The following EPAS1 variants were observed in gnomAD, a reference collection of about 807,000 sequenced individuals.
The protein encoded by EPAS1 is endothelial PAS domain protein 1, also known as endothelial PAS domain-containing protein 1.
A neutral mutation model predicts 87.9 loss-of-function variants in EPAS1; 23 were observed. That is an observed-to-expected ratio of 0.26 (90% confidence interval 0.19 to 0.37). The LOEUF (loss-of-function observed/expected upper bound fraction) is 0.37. EPAS1 is among the 10% of genes least tolerant of loss of function. The probability of loss-of-function intolerance (pLI) is 1.00; values close to 1 mark genes in which losing one functional copy is unlikely to be tolerated. For missense variants in EPAS1, 1,138 were observed against 1,120.7 expected (o/e 1.02, Z -0.22); for synonymous variants, 508 against 444.3 (o/e 1.14, Z -1.80).
chr2:46,302,160 CGGG>C (rs201373195), intron 1 of EPAS1, among the ~76,000 whole-genome samples: 2 of 73,840 alleles, frequency 2.7e-5, no homozygotes, highest in African/African-American at 1.2e-4. Flanking sequence ...GCCCGTGCGT[CGGG>C]GGGGGGGGCA....
intron 1 of EPAS1, among the ~76,000 whole-genome samples, chr2:46,328,185 G>C (rs1300871970): frequency 2.0e-5 from 3 of 152,188 alleles, no homozygotes; most frequent in Non-Finnish European, 4.4e-5. Flanking sequence ...GAGTGGTGTA[G>C]ACAGTAAGTG....
At chr2:46,340,996 A>G (rs970207437) in intron 1 of EPAS1, among the ~76,000 whole-genome samples, 4 of 152,208 alleles carry the variant, frequency 2.6e-5, no homozygotes, top group Non-Finnish European at 4.4e-5. Context: ...CTGTGATTAT[A>G]GGCATGAGTC....
At chr2:46,299,280 C>T (rs536202359) in intron 1 of EPAS1, among the ~76,000 whole-genome samples, 1 of 152,182 alleles carries the variant, frequency 6.6e-6, no homozygotes, top group Non-Finnish European at 1.5e-5. Flanking sequence ...GCGCCCGGGC[C>T]CTTCACTGCG....
chr2:46,372,587 G>A (rs1227282112), intron 7 of EPAS1, among the ~76,000 whole-genome samples: 1 of 152,288 alleles, frequency 6.6e-6, no homozygotes, highest in Non-Finnish European at 1.5e-5. Flanking sequence ...GTCTCCCTTT[G>A]TTATATGAGG....
intron 6 of EPAS1, among the ~76,000 whole-genome samples, chr2:46,365,688 C>G (rs1187929893): frequency 6.6e-6 from 1 of 152,110 alleles, no homozygotes; most frequent in Non-Finnish European, 1.5e-5. Flanking sequence ...TTGAGGAAAA[C>G]ACAAGGCTTA....
rs1233079715 is a variant in EPAS1 at position 46,361,105 on chromosome 2, G to A, written c.779+15G>A. ...TGTGATGACAGGTAGGGGGCCATGG[G>A]TGTGTATGCTGTGGGCAGAGATGGG... is the stretch of plus-strand genomic sequence containing the variant. On this transcript the variant is annotated intron_variant, in intron 6 of 15. Transcript: ENST00000263734. 1.2e-6 allele frequency: 2 copies of A among 1,613,682 alleles called. No individual in the cohort carries two copies. Among genetic ancestry groups the A allele is most frequent in the Non-Finnish European group, 1.7e-6 (2 of 1,179,762 alleles).
In EPAS1 at chr2:46,347,181, C is replaced by A. The variant is rs1684048863; in HGVS notation, c.217+118C>A. ...AGTCACCCCACTACAGAACTTTCAC[C>A]CACAGAAACACCATCATGAGTGATT... On this transcript the variant is annotated intron_variant, in intron 2 of 15. Coordinates refer to ENST00000263734, the MANE Select transcript of EPAS1 (RefSeq NM_001430.5). The surrounding 1 kb of genome is among the most constrained non-coding windows in gnomAD (Gnocchi z 4.2). The A allele has an allele frequency of 9.4e-6, 10 of 1,066,520 alleles. No homozygotes were observed. The highest frequency in any genetic ancestry group is 1.4e-5 in the Non-Finnish European group (10 of 693,136). The allele number at this position is 1,066,520 out of a possible 1,614,324, so 66.1% of individuals were successfully genotyped here.
intron 1 of EPAS1, among the ~76,000 whole-genome samples, chr2:46,330,437 A>C (rs1364050950): frequency 6.6e-6 from 1 of 152,204 alleles, no homozygotes; most frequent in African/African-American, 2.4e-5. Flanking sequence ...TACTTAGTGT[A>C]GCTTATCTTT....
Position 46,377,948 on chromosome 2 carries a change from G to A in EPAS1, c.1304G>A (p.Ser435Asn), listed in dbSNP as rs1174585697. ...SAYGKAILPP[S>N]QPWATELRSH... ...TATGGCAAGGCCATCCTGCCCCCGA[G>A]CCAGCCATGGGCCACGGAGTTGAGG... Residue 435 changes from serine to asparagine, a missense_variant, in exon 10 of 16, where the codon AGC becomes AAC. By Grantham distance (46) the Ser-to-Asn change is conservative. Coordinates refer to ENST00000263734, the MANE Select transcript of EPAS1 (RefSeq NM_001430.5). The A allele has an allele frequency of 1.4e-5, 22 of 1,559,830 alleles. No homozygotes were observed. Among genetic ancestry groups the A allele is most frequent in the Non-Finnish European group, 1.9e-5 (22 of 1,151,466 alleles).
At chr2:46,323,630 G>C (rs7582701) in intron 1 of EPAS1, among the ~76,000 whole-genome samples, 38,080 of 152,130 alleles carry the variant, frequency 0.25, 10,017 homozygotes, top group African/African-American at 0.66. Flanking sequence ...CATTACAGAG[G>C]CTCTCTGAGT....
In EPAS1 at chr2:46,356,708, C is replaced by G; in HGVS notation, c.370-16C>G. On this transcript the variant is annotated splice_polypyrimidine_tract_variant and intron_variant, in intron 3 of 15. Coordinates refer to ENST00000263734, the MANE Select transcript of EPAS1 (RefSeq NM_001430.5). ...ACTGTTAGGAATAATGATGCCTAACCTTGTTTTTGAAACAGGTGGAGCTAA... is the reference window on the plus strand; with the variant it reads ...ACTGTTAGGAATAATGATGCCTAACGTTGTTTTTGAAACAGGTGGAGCTAA... The G allele has an allele frequency of 6.2e-7, 1 of 1,600,232 alleles. No individual in the cohort carries two copies. Among genetic ancestry groups the G allele is most frequent in the Middle Eastern group, 1.7e-4 (1 of 6,022 alleles).
At chr2:46,339,592 G>C (rs777702874) in intron 1 of EPAS1, among the ~76,000 whole-genome samples, 1 of 152,322 alleles carries the variant, frequency 6.6e-6, no homozygotes. Flanking sequence ...ATTCACTCAC[G>C]AGTGTTTTAG....
chr2:46,354,985 C>A (rs1283212150), intron 2 of EPAS1, among the ~76,000 whole-genome samples: 1 of 151,874 alleles, frequency 6.6e-6, no homozygotes, highest in Admixed American at 6.6e-5. Flanking sequence ...TTTTCTAAGA[C>A]TCTTCAAATC....
At chr2:46,325,580 G>T (rs1236399109) in intron 1 of EPAS1, among the ~76,000 whole-genome samples, 2 of 152,214 alleles carry the variant, frequency 1.3e-5, no homozygotes, top group Admixed American at 6.5e-5. Flanking sequence ...ATGGTAGCTA[G>T]TCAACCTTTC....
At chr2:46,373,861 C>T (rs1354924843) in intron 7 of EPAS1, among the ~76,000 whole-genome samples, 1 of 152,230 alleles carries the variant, frequency 6.6e-6, no homozygotes, top group Non-Finnish European at 1.5e-5. Flanking sequence ...ATTCTGTCTA[C>T]TGTTTCCACT....
In EPAS1 at chr2:46,346,679, A is replaced by C. The variant is rs924660487; in HGVS notation, c.27-194A>C. Reference sequence around the variant, plus strand: ...CAAGAGGAGGACTTTGGTTGTGAAGACACCAACACACACAAAAGCAGAGCT... The same window carrying C: ...CAAGAGGAGGACTTTGGTTGTGAAGCCACCAACACACACAAAAGCAGAGCT... On this transcript the variant is annotated intron_variant, in intron 1 of 15. Coordinates refer to ENST00000263734, the MANE Select transcript of EPAS1 (RefSeq NM_001430.5). The surrounding 1 kb of genome is among the most constrained non-coding windows in gnomAD (Gnocchi z 4.0). 2.6e-5 allele frequency among the ~76,000 whole-genome samples: 4 copies of C among 152,222 alleles called. No homozygotes were observed. The highest frequency in any genetic ancestry group is 9.6e-5 in the African/African-American group (4 of 41,458).
At chr2:46,370,379 G>A (rs1216221863) in intron 7 of EPAS1, among the ~76,000 whole-genome samples, 1 of 152,248 alleles carries the variant, frequency 6.6e-6, no homozygotes, top group Non-Finnish European at 1.5e-5. Context: ...GTTGAGGAAA[G>A]GACACTTGAG....
Position 46,347,479 on chromosome 2 carries a change from G to C in EPAS1, c.217+416G>C. 3.7e-6 allele frequency: 1 copy of C among 269,718 alleles called. No homozygotes were observed. Among genetic ancestry groups the C allele is most frequent in the South Asian group, 4.5e-5 (1 of 21,982 alleles). 16.7% of individuals were successfully genotyped at this position (269,718 alleles called of 1,614,324 possible). On this transcript the variant is annotated intron_variant, in intron 2 of 15. Coordinates refer to ENST00000263734, the MANE Select transcript of EPAS1 (RefSeq NM_001430.5). This position sits in a 1 kb window ranked among gnomAD's most constrained non-coding sequence, Gnocchi z 4.2. ...CCAGAACAGCAAGAAGGTGTGCCCG[G>C]ATGATCTTTTCCCTCTGAGAAGCCA...
intron 12 of EPAS1, 117 bp from the exon 13 acceptor site, chr2:46,381,479 G>A: frequency 6.5e-7 from 1 of 1,534,208 alleles, no homozygotes; most frequent in East Asian, 2.3e-5. Flanking sequence ...CTGCCTTTTG[G>A]GTCTTTGAGT....
Sources: gnomAD v4.1 joint callset for allele counts (sites outside exome capture counted in the v4.1 genomes callset) on GRCh38, gnomAD v4.1.1 for gene constraint, Gnocchi (gnomAD v3.1) non-coding constraint, MANE v1.5 for transcripts, NCBI Gene and HGNC (gene_info 2026-07-23, HGNC 2026-07-21) for gene names.